GPC5: variants seen among roughly 807,000 people sequenced by gnomAD.
GPC5 encodes the protein glypican 5, also known as glypican-5.
GPC5 carries 47 observed loss-of-function variants against 53.9 expected under a neutral mutation model. The ratio of observed to expected loss-of-function variants is 0.87; its 90% CI spans 0.69 to 1.11. The LOEUF (loss-of-function observed/expected upper bound fraction) is 1.11. Among genes scored for constraint, GPC5 ranks in the 50% most tolerant of loss-of-function variants. The pLI is 0.00. For missense variants in GPC5, 748 were observed against 713.1 expected (o/e 1.05, Z -0.56); for synonymous variants, 286 against 263.3 (o/e 1.09, Z -0.84).
At chr13:91,969,629 C>T (rs1425630284) in intron 6 of GPC5, among the ~76,000 whole-genome samples, 2 of 152,160 alleles carry the variant, frequency 1.3e-5, no homozygotes, top group Non-Finnish European at 2.9e-5. Context: ...TATCTAGGGA[C>T]TCTCAATTTC....
At chr13:92,281,482 C>T (rs972105577) in intron 7 of GPC5, among the ~76,000 whole-genome samples, 1 of 152,232 alleles carries the variant, frequency 6.6e-6, no homozygotes, top group African/African-American at 2.4e-5. Flanking sequence ...AGTAGCCTAA[C>T]TGGGAGGTAC....
At chr13:92,521,524 G>A (rs1318589579) in intron 7 of GPC5, among the ~76,000 whole-genome samples, 1 of 152,108 alleles carries the variant, frequency 6.6e-6, no homozygotes, top group African/African-American at 2.4e-5. Flanking sequence ...CAAGAAATGG[G>A]GAAAGGATTC....
At chr13:92,573,662 C>T (rs1202267032) in intron 7 of GPC5, among the ~76,000 whole-genome samples, 2 of 152,038 alleles carry the variant, frequency 1.3e-5, no homozygotes, top group Non-Finnish European at 2.9e-5. Flanking sequence ...CTGGTTCAGG[C>T]GGTTGCACCC....
At chr13:92,113,835 C>CAA (rs147228786) in intron 6 of GPC5, among the ~76,000 whole-genome samples, 10 of 148,148 alleles carry the variant, frequency 6.8e-5, no homozygotes, top group African/African-American at 2.5e-4. Flanking sequence ...ACAAAAAAAA[C>CAA]AAAAAAAAGC....
chr13:91,821,548 A>G (rs2038495839), intron 5 of GPC5, among the ~76,000 whole-genome samples: 1 of 152,202 alleles, frequency 6.6e-6, no homozygotes, highest in South Asian at 2.1e-4. Context: ...TTAGTTATTC[A>G]TCAATAAGTG....
intron 5 of GPC5, among the ~76,000 whole-genome samples, chr13:91,855,172 G>C (rs1297429663): frequency 6.6e-6 from 1 of 151,672 alleles, no homozygotes; most frequent in East Asian, 1.9e-4. Flanking sequence ...ATAGCTAATA[G>C]ATGTTGACCG....
chr13:92,529,490 C>G (rs1056207546), intron 7 of GPC5, among the ~76,000 whole-genome samples: 7 of 152,106 alleles, frequency 4.6e-5, no homozygotes, highest in African/African-American at 1.7e-4. Context: ...AAATCAGCAA[C>G]ACACATAATG....
At chr13:91,399,640 A>C (rs1876775592) in intron 1 of GPC5, among the ~76,000 whole-genome samples, 1 of 152,176 alleles carries the variant, frequency 6.6e-6, no homozygotes, top group Admixed American at 6.5e-5. Context: ...TTTGGTACTA[A>C]AAATCACAAA....
intron 6 of GPC5, among the ~76,000 whole-genome samples, chr13:91,989,005 A>C (rs2040433661): frequency 1.3e-5 from 2 of 150,186 alleles, no homozygotes; most frequent in African/African-American, 4.8e-5. Flanking sequence ...TGGCTTTCTC[A>C]TTTCACATGA....
intron 7 of GPC5, among the ~76,000 whole-genome samples, chr13:92,590,861 A>G (rs1274588917): frequency 1.3e-5 from 2 of 152,100 alleles, no homozygotes; most frequent in African/African-American, 4.8e-5. Context: ...GATAGCTATG[A>G]GCTTATGGTT....
Position 91,949,883 on chromosome 13 carries a change from A to G in GPC5, c.1401+41826A>G, listed in dbSNP as rs568025932. On this transcript the variant is annotated intron_variant, in intron 6 of 7. Coordinates refer to ENST00000377067, the MANE Select transcript of GPC5 (RefSeq NM_004466.6). ...ATTTGCTCTACTACATTTGCATGTC[A>G]TTGTCAGCCTTTCACTTTGTCTTTA... Among the ~76,000 whole-genome samples the G allele has an allele frequency of 1.5e-4, 23 of 152,294 alleles. No homozygotes were observed. In the East Asian group the frequency reaches 4.4e-3, roughly 29 times the overall value.
At position 92,382,748 on chromosome 13, in the gene GPC5, C is replaced by T. The variant is rs150507823; in HGVS notation, c.1561+237759C>T. 7.2e-3 allele frequency among the ~76,000 whole-genome samples: 1,087 copies of T among 151,980 alleles called. 44 individuals are homozygous for T. Among genetic ancestry groups the T allele is most frequent in the Admixed American group, 0.059 (902 of 15,252 alleles). ...CATTATGGCCGGGCGCGGTGGCTCACGCCTGTAATCCCAGCACTTTGGGAG... is the reference window on the plus strand; with the variant it reads ...CATTATGGCCGGGCGCGGTGGCTCATGCCTGTAATCCCAGCACTTTGGGAG... On this transcript the variant is annotated intron_variant, in intron 7 of 7. Coordinates refer to ENST00000377067, the MANE Select transcript of GPC5 (RefSeq NM_004466.6).
At chr13:91,842,979 G>A (rs1022133218) in intron 5 of GPC5, among the ~76,000 whole-genome samples, 6 of 152,088 alleles carry the variant, frequency 3.9e-5, no homozygotes, top group Non-Finnish European at 7.4e-5. Flanking sequence ...ATTTTAATTG[G>A]CAATATTTCA....
intron 3 of GPC5, among the ~76,000 whole-genome samples, chr13:91,696,469 A>G (rs1345677686): frequency 6.6e-6 from 1 of 152,184 alleles, no homozygotes; most frequent in African/African-American, 2.4e-5. Flanking sequence ...TATTTCTACC[A>G]ATTCAAAGTG....
chr13:91,627,599 A>G (rs990141244), intron 2 of GPC5, among the ~76,000 whole-genome samples: 4 of 152,108 alleles, frequency 2.6e-5, no homozygotes, highest in African/African-American at 9.7e-5. Context: ...AATAATAATA[A>G]AAAGGATTAT....
At chr13:92,372,933 G>T (rs2043663083) in intron 7 of GPC5, among the ~76,000 whole-genome samples, 1 of 152,112 alleles carries the variant, frequency 6.6e-6, no homozygotes, top group Admixed American at 6.5e-5. Flanking sequence ...CATGTTGTCT[G>T]CTCCTTGTTT....
chr13:92,542,612 AATT>A (rs1881967393), intron 7 of GPC5, among the ~76,000 whole-genome samples: 1 of 151,880 alleles, frequency 6.6e-6, no homozygotes, highest in African/African-American at 2.4e-5. Flanking sequence ...TCACGATGTT[AATT>A]ATTGTCTTTT....
intron 7 of GPC5, among the ~76,000 whole-genome samples, chr13:92,778,070 G>A (rs1337955056): frequency 6.6e-6 from 1 of 152,160 alleles, no homozygotes; most frequent in East Asian, 1.9e-4. Flanking sequence ...ATGGGAATGA[G>A]CAATGCCTGA....
At chr13:91,709,955 C>T (rs558542316) in intron 3 of GPC5, among the ~76,000 whole-genome samples, 249 of 152,266 alleles carry the variant, frequency 1.6e-3, no homozygotes, top group Non-Finnish European at 3.1e-3. Flanking sequence ...CCCTTTGTAG[C>T]GATACCACCC....
Sources: allele counts gnomAD v4.1 joint callset (sites outside exome capture counted in the v4.1 genomes callset), GRCh38; gene constraint gnomAD v4.1.1; transcripts MANE v1.5; gene names NCBI Gene and HGNC (gene_info 2026-07-23, HGNC 2026-07-21).